Variants in DLG2 observed in about 807,000 individuals in gnomAD.
DLG2 encodes the protein discs large MAGUK scaffold protein 2.
DLG2 carries 45 observed loss-of-function variants against 132.5 expected under a neutral mutation model. The observed-to-expected ratio is 0.34, with a 90% CI of 0.27 to 0.44. The LOEUF is 0.44. Ranked by LOEUF, DLG2 falls within the 20% of genes least tolerant of loss-of-function variation. The pLI, the probability that DLG2 is intolerant of heterozygous loss-of-function variation, is 1.00. For missense variants in DLG2, 1,045 were observed against 1,196.9 expected (o/e 0.87, Z 1.87); for synonymous variants, 424 against 419.6 (o/e 1.01, Z -0.13).
rs1565493144 is a variant in DLG2, at chr11:83,499,893, ATATAT to A, written c.2194-15670_2194-15666del. ...TATATATATATATATATATATATAT[ATATAT>A]CAGTTCTGTCCCTCCAGAGAACTCT... On this transcript the variant is annotated intron_variant, in intron 21 of 27. Transcript: ENST00000376104. Among the ~76,000 whole-genome samples, 210 of 114,730 alleles carry A rather than the reference ATATAT, an allele frequency of 1.8e-3. 4 individuals carry two copies. Among genetic ancestry groups the A allele is most frequent in the Non-Finnish European group, 3.0e-3 (170 of 56,036 alleles). 75.3% of individuals were successfully genotyped at this position (114,730 alleles called of 152,430 possible).
intron 6 of DLG2, among the ~76,000 whole-genome samples, chr11:84,649,275 C>G (rs763517253): frequency 1.3e-5 from 2 of 152,094 alleles, no homozygotes; most frequent in South Asian, 4.2e-4. Flanking sequence ...GTAACAGTTT[C>G]TTTATAGAGT....
chr11:85,601,769 T>G (rs1210954527), intron 2 of DLG2, among the ~76,000 whole-genome samples: 2 of 152,202 alleles, frequency 1.3e-5, no homozygotes, highest in Non-Finnish European at 2.9e-5. Context: ...CAGATTGTTT[T>G]CCCACTTCAT....
At chr11:84,789,412 C>A (rs1006294780) in intron 6 of DLG2, among the ~76,000 whole-genome samples, 1 of 151,670 alleles carries the variant, frequency 6.6e-6, no homozygotes, top group African/African-American at 2.4e-5. Flanking sequence ...ATTTTTTTTC[C>A]TAATTTTTAT....
Position 84,443,433 on chromosome 11 carries a change from T to C in DLG2, c.519+91137A>G, listed in dbSNP as rs2099023481. ...TTTCTTTAGAGCAGGTCCTTCAAAA[T>C]GTAATTGGTGGATCACAGAATATGT... On this transcript the variant is annotated intron_variant, in intron 7 of 27. Transcript: ENST00000376104. 2.6e-5 allele frequency among the ~76,000 whole-genome samples: 4 copies of C among 152,184 alleles called. No individual in the cohort carries two copies. In the South Asian group the frequency reaches 8.3e-4, roughly 31 times the overall value.
At chr11:85,400,024 C>A (rs942159878) in intron 3 of DLG2, among the ~76,000 whole-genome samples, 1 of 151,920 alleles carries the variant, frequency 6.6e-6, no homozygotes, top group African/African-American at 2.4e-5. Flanking sequence ...ATTTTCACAT[C>A]CTACTCATCT....
intron 2 of DLG2, among the ~76,000 whole-genome samples, chr11:85,618,123 G>T (rs2081460644): frequency 6.6e-6 from 1 of 152,144 alleles, no homozygotes; most frequent in Non-Finnish European, 1.5e-5. Flanking sequence ...AATTCAGAAT[G>T]ACTAACTGGA....
intron 19 of DLG2, among the ~76,000 whole-genome samples, chr11:83,580,322 A>G (rs2096949091): frequency 1.3e-5 from 2 of 150,908 alleles, no homozygotes; most frequent in Admixed American, 1.3e-4. Context: ...AAAAATCATA[A>G]TTTGCAATCC....
At chr11:84,054,696 C>T (rs1205340645) in intron 11 of DLG2, among the ~76,000 whole-genome samples, 1 of 151,988 alleles carries the variant, frequency 6.6e-6, no homozygotes, top group African/African-American at 2.4e-5. Context: ...AAGGTTATCT[C>T]AAATTAGTAA....
chr11:84,976,207 T>C (rs2054882256), intron 6 of DLG2, among the ~76,000 whole-genome samples: 3 of 152,212 alleles, frequency 2.0e-5, no homozygotes, highest in Admixed American at 2.0e-4. Context: ...TCTTCAAAAC[T>C]TAATATATTA....
At chr11:84,331,458 A>AAAT (rs1267202081) in intron 7 of DLG2, among the ~76,000 whole-genome samples, 23 of 139,178 alleles carry the variant, frequency 1.7e-4, no homozygotes, top group East Asian at 6.4e-4. Context: ...AAAAAAAAAA[A>AAAT]AAATAAATAA....
At chr11:84,493,863 T>C (rs562813857) in intron 7 of DLG2, among the ~76,000 whole-genome samples, 2 of 152,294 alleles carry the variant, frequency 1.3e-5, no homozygotes, top group Non-Finnish European at 2.9e-5. Flanking sequence ...AATAATTTTA[T>C]CAGGAACATG....
At chr11:83,671,978 CT>C (rs1320251486) in intron 18 of DLG2, among the ~76,000 whole-genome samples, 2 of 151,838 alleles carry the variant, frequency 1.3e-5, no homozygotes, top group Admixed American at 6.6e-5. Flanking sequence ...TCTCTTTTTT[CT>C]TTGCCAATTA....
chr11:84,791,232 A>G (rs1340810142), intron 6 of DLG2, among the ~76,000 whole-genome samples: 6 of 152,132 alleles, frequency 3.9e-5, no homozygotes, highest in African/African-American at 1.2e-4. Context: ...TCCCTCCCTC[A>G]ACACCAGCTG....
intron 6 of DLG2, among the ~76,000 whole-genome samples, chr11:84,765,236 T>G (rs1187610309): frequency 6.6e-6 from 1 of 151,048 alleles, no homozygotes; most frequent in Non-Finnish European, 1.5e-5. Flanking sequence ...AGTAAATGTA[T>G]GCCAGGTTGA....
chr11:84,404,374 A>C (rs1430098578), intron 7 of DLG2, among the ~76,000 whole-genome samples: 1 of 151,800 alleles, frequency 6.6e-6, no homozygotes, highest in Non-Finnish European at 1.5e-5. Flanking sequence ...CTCAAATACT[A>C]CCTCTTTGAG....
At chr11:83,471,076 A>G (rs1445721883) in intron 24 of DLG2, among the ~76,000 whole-genome samples, 2 of 152,048 alleles carry the variant, frequency 1.3e-5, no homozygotes, top group African/African-American at 2.4e-5. Context: ...ATAATCTATA[A>G]TGAGAAGAAA....
At chr11:84,566,607 A>T (rs1486159588) in intron 6 of DLG2, among the ~76,000 whole-genome samples, 1 of 152,196 alleles carries the variant, frequency 6.6e-6, no homozygotes, top group African/African-American at 2.4e-5. Flanking sequence ...ACTTCCCAAG[A>T]TTTGAGTTAC....
intron 7 of DLG2, among the ~76,000 whole-genome samples, chr11:84,402,883 A>AAAAAAAAAAAAAAAAAAAAAAAAAAAT: frequency 1.9e-5 from 1 of 53,008 alleles, no homozygotes; most frequent in African/African-American, 3.4e-5. Flanking sequence ...CTCCGTCTCA[A>AAAAAAAAAAAAAAAAAAAAAAAAAAAT]AAAAAAAAAA....
At chr11:85,334,111 T>C (rs1044486058) in intron 3 of DLG2, among the ~76,000 whole-genome samples, 8 of 152,134 alleles carry the variant, frequency 5.3e-5, no homozygotes, top group Non-Finnish European at 1.0e-4. Context: ...ATGTCAGAAT[T>C]CATTATTGGT....
Sources: gnomAD v4.1 joint callset for allele counts (sites outside exome capture counted in the v4.1 genomes callset) on GRCh38, gnomAD v4.1.1 for gene constraint, MANE v1.5 for transcripts, NCBI Gene and HGNC (gene_info 2026-07-23, HGNC 2026-07-21) for gene names.